The following POU2F1 variants were observed in gnomAD, a reference collection of about 807,000 sequenced individuals.
POU2F1 encodes the protein POU class 2 homeobox 1, also known as POU domain, class 2, transcription factor 1.
Under a neutral mutation model 84.9 loss-of-function variants are expected in POU2F1, and 16 were observed. That is an observed-to-expected ratio of 0.19 (90% confidence interval 0.13 to 0.29). The LOEUF (loss-of-function observed/expected upper bound fraction) is 0.29, where lower values mean the gene tolerates loss of function less well. POU2F1 is among the 10% of genes least tolerant of loss of function. The pLI is 1.00. For synonymous variants in POU2F1, 368 were observed against 368.3 expected (o/e 1.00, Z 0.01); for missense variants, 738 against 942.6 (o/e 0.78, Z 2.84).
At chr1:167,364,688 C>G (rs1167800528) in intron 2 of POU2F1, among the ~76,000 whole-genome samples, 1 of 150,868 alleles carries the variant, frequency 6.6e-6, no homozygotes, top group African/African-American at 2.4e-5. Context: ...AGCCATTCTC[C>G]CTCAGCCTCT....
At chr1:167,249,873 C>T (rs1420978269) in intron 1 of POU2F1, among the ~76,000 whole-genome samples, 5 of 152,126 alleles carry the variant, frequency 3.3e-5, no homozygotes, top group Non-Finnish European at 7.4e-5. Flanking sequence ...TGCAGTGGAG[C>T]ACTGTGATGA....
At chr1:167,361,787 A>G (rs1571370027) in intron 2 of POU2F1, among the ~76,000 whole-genome samples, 1 of 152,088 alleles carries the variant, frequency 6.6e-6, no homozygotes, top group South Asian at 2.1e-4. Flanking sequence ...TTTGGCTGTG[A>G]ATCTATCTGG....
At chr1:167,243,522 C>G (rs1171579999) in intron 1 of POU2F1, among the ~76,000 whole-genome samples, 2 of 152,164 alleles carry the variant, frequency 1.3e-5, no homozygotes, top group Non-Finnish European at 2.9e-5. Flanking sequence ...GTCGCCCAGT[C>G]TGGAGTGCAG....
intron 2 of POU2F1, among the ~76,000 whole-genome samples, chr1:167,357,305 C>A (rs981284424): frequency 6.7e-6 from 1 of 149,342 alleles, no homozygotes; most frequent in African/African-American, 2.5e-5. Flanking sequence ...TATTCTTTAT[C>A]AAGTTAAAGA....
chr1:167,269,553 G>A (rs1304353783), intron 1 of POU2F1, among the ~76,000 whole-genome samples: 1 of 152,194 alleles, frequency 6.6e-6, no homozygotes. Flanking sequence ...CAAAGGAGGA[G>A]AAGGAATAGT....
intron 9 of POU2F1, among the ~76,000 whole-genome samples, chr1:167,395,074 G>T (rs1324279549): frequency 6.6e-6 from 1 of 152,124 alleles, no homozygotes; most frequent in Non-Finnish European, 1.5e-5. Context: ...TAAACTAATT[G>T]AAATGAATGG....
At chr1:167,302,266 CTTT>C (rs964368454) in intron 1 of POU2F1, among the ~76,000 whole-genome samples, 1 of 143,546 alleles carries the variant, frequency 7.0e-6, no homozygotes, top group African/African-American at 2.5e-5. Flanking sequence ...TTTTTCTTTT[CTTT>C]TTTTTTTTTT....
At chr1:167,303,948 T>C (rs1349845766) in intron 1 of POU2F1, among the ~76,000 whole-genome samples, 1 of 152,202 alleles carries the variant, frequency 6.6e-6, no homozygotes, top group African/African-American at 2.4e-5. Flanking sequence ...AGAAGCACTT[T>C]GTAAATAATG....
chr1:167,246,748 C>T (rs944948684), intron 1 of POU2F1, among the ~76,000 whole-genome samples: 3 of 152,046 alleles, frequency 2.0e-5, no homozygotes, highest in Non-Finnish European at 4.4e-5. Flanking sequence ...TTGGAAAAAG[C>T]TATGAACAAA....
intron 5 of POU2F1, 86 bp from the exon 6 acceptor site, chr1:167,374,022 T>G (rs1660169191): frequency 3.8e-6 from 5 of 1,299,742 alleles, no homozygotes; most frequent in Non-Finnish European, 5.6e-6. Context: ...TGATATCATT[T>G]GAGTTACCTA....
chr1:167,384,444 T>C (rs1401016939), intron 8 of POU2F1, among the ~76,000 whole-genome samples: 2 of 152,174 alleles, frequency 1.3e-5, no homozygotes, highest in Non-Finnish European at 2.9e-5. Context: ...GTTTAAATTA[T>C]AGACCTGATT....
chr1:167,243,838 A>AT (rs1458238004), intron 1 of POU2F1, among the ~76,000 whole-genome samples: 3 of 152,236 alleles, frequency 2.0e-5, no homozygotes, highest in Non-Finnish European at 4.4e-5. Context: ...GTCCCATGTA[A>AT]TTAGCATCAT....
At chr1:167,257,543 C>T (rs1651234348) in intron 1 of POU2F1, among the ~76,000 whole-genome samples, 1 of 152,000 alleles carries the variant, frequency 6.6e-6, no homozygotes, top group African/African-American at 2.4e-5. Flanking sequence ...AAGAAATTTG[C>T]TGAGAAGTGA....
At chr1:167,407,721 G>T (rs2140760) in intron 13 of POU2F1, among the ~76,000 whole-genome samples, 1 of 152,192 alleles carries the variant, frequency 6.6e-6, no homozygotes, top group Non-Finnish European at 1.5e-5. Context: ...GAGGAATTTA[G>T]ATCCTTACCT....
At chr1:167,345,991 A>T (rs1658166884) in intron 2 of POU2F1, among the ~76,000 whole-genome samples, 1 of 121,576 alleles carries the variant, frequency 8.2e-6, no homozygotes, top group African/African-American at 3.4e-5. Flanking sequence ...TGAGACCCGC[A>T]TGTCTACAAA....
chr1:167,346,545 G>A (rs1166040695), intron 2 of POU2F1, among the ~76,000 whole-genome samples: 1 of 152,094 alleles, frequency 6.6e-6, no homozygotes, highest in African/African-American at 2.4e-5. Flanking sequence ...GGATAAAACT[G>A]TTTTTTACCT....
chr1:167,242,102 A>C (rs1194975544), intron 1 of POU2F1, among the ~76,000 whole-genome samples: 1 of 152,210 alleles, frequency 6.6e-6, no homozygotes, highest in Admixed American at 6.5e-5. Context: ...GTTAGGTGCT[A>C]AAATATTTTT....
At chr1:167,228,021 C>T (rs1648768785) in intron 1 of POU2F1, among the ~76,000 whole-genome samples, 1 of 152,194 alleles carries the variant, frequency 6.6e-6, no homozygotes, top group Non-Finnish European at 1.5e-5. Context: ...CTTTCTCCCA[C>T]CTCCCAGTCT....
chr1:167,283,417 A>C (rs1458632467), intron 1 of POU2F1, among the ~76,000 whole-genome samples: 1 of 152,224 alleles, frequency 6.6e-6, no homozygotes, highest in Non-Finnish European at 1.5e-5. Context: ...TCTCTGAGCT[A>C]GACCTCTTGA....
Sources: allele counts gnomAD v4.1 joint callset (sites outside exome capture counted in the v4.1 genomes callset), GRCh38; gene constraint gnomAD v4.1.1; transcripts MANE v1.5; gene names NCBI Gene and HGNC (gene_info 2026-07-23, HGNC 2026-07-21).